NIBAN3: variants seen among roughly 807,000 people sequenced by gnomAD.
The protein encoded by NIBAN3 is protein Niban 3.
In NIBAN3, 66 loss-of-function variants were observed where a neutral mutation model predicts 76.4. That is an observed-to-expected ratio of 0.86 (90% confidence interval 0.71 to 1.06). The LOEUF (loss-of-function observed/expected upper bound fraction) is 1.06, where lower values mean the gene tolerates loss of function less well. Among genes scored for constraint, NIBAN3 ranks in the 50% least tolerant of loss-of-function variants. NIBAN3 has a pLI of 0.00. For synonymous variants in NIBAN3, 360 were observed against 355.2 expected (o/e 1.01, Z -0.15); for missense variants, 808 against 810.7 (o/e 1.00, Z 0.04).
intron 13 of NIBAN3, among the ~76,000 whole-genome samples, chr19:17,549,243 C>T (rs1452155302): frequency 6.6e-6 from 1 of 152,116 alleles, no homozygotes; most frequent in Non-Finnish European, 1.5e-5. Flanking sequence ...GGAGGTGGGA[C>T]TGGCAGTGTC....
Position 17,542,668 on chromosome 19 carries a change from C to T in NIBAN3, c.1329+374C>T, listed in dbSNP as rs140760110. ...TTTTTCAGAAATGGGGAAGATAGGC[C>T]GGCGACATGGACGGGCAGATCGCGC... is the stretch of plus-strand genomic sequence containing the variant. On this transcript the variant is annotated intron_variant, in intron 10 of 14. Coordinates refer to ENST00000599164, the MANE Select transcript of NIBAN3 (RefSeq NM_001321827.2). The surrounding 1 kb of genome is among the most constrained non-coding windows in gnomAD (Gnocchi z 4.8). Among the ~76,000 whole-genome samples the T allele has an allele frequency of 3.1e-3, 479 of 152,200 alleles. 3 individuals are homozygous for T. The highest frequency in any genetic ancestry group is 0.011 in the African/African-American group (452 of 41,518).
intron 4 of NIBAN3, 102 bp downstream of exon 4, chr19:17,533,803 G>A: frequency 1.2e-6 from 1 of 857,862 alleles, no homozygotes; most frequent in Non-Finnish European, 1.9e-6. Context: ...GTGTACAGCA[G>A]GGCAGTAAGC....
At chr19:17,549,024 G>A (rs1370255061) in intron 13 of NIBAN3, among the ~76,000 whole-genome samples, 1 of 152,036 alleles carries the variant, frequency 6.6e-6, no homozygotes, top group East Asian at 1.9e-4. Flanking sequence ...GAATGAGGGA[G>A]AGGATGTGTC....
upstream of NIBAN3, among the ~76,000 whole-genome samples, chr19:17,526,174 G>A (rs1359303680): frequency 6.6e-6 from 1 of 151,970 alleles, no homozygotes; most frequent in African/African-American, 2.4e-5. Context: ...TTAGCCAGGT[G>A]TGGTGGCGGG....
chr19:17,554,125 C>T (rs538571583), downstream of NIBAN3, among the ~76,000 whole-genome samples: 393 of 152,250 alleles, frequency 2.6e-3, 3 homozygotes, highest in African/African-American at 8.6e-3. Flanking sequence ...CCGCCTGCCT[C>T]AGCCTCCCAA....
At position 17,539,762 on chromosome 19, in the gene NIBAN3, A is replaced by G. The variant is rs1474562136; in HGVS notation, c.976A>G (p.Arg326Gly). Residue 326 changes from arginine (R) to glycine (G), a missense_variant, in exon 8 of 15, where the codon AGG (arginine) becomes GGG (glycine). Arg to Gly is a moderately radical substitution (Grantham distance 125). Transcript: ENST00000599164. ...RQRARVAGRL[R>G]TDIRGPLESC... is the part of the protein sequence containing the mutation. ...GCGGGCGCGTGTGGCGGGGCGGCTG[A>G]GGAGTGAGGCCCTGGGGCGGAGCCT... 2 of 1,530,254 alleles carry G rather than the reference A, an allele frequency of 1.3e-6. No homozygotes were observed. Among genetic ancestry groups the G allele is most frequent in the African/African-American group, 2.7e-5 (2 of 72,828 alleles). The allele number at this position is 1,530,254 out of a possible 1,614,324, so 94.8% of individuals were successfully genotyped here. A position where few individuals can be genotyped will look rare whatever the true frequency, so the allele number is the denominator to read the frequency against.
chr19:17,553,849 C>T, downstream of NIBAN3: 1 of 266,256 alleles, frequency 3.8e-6, no homozygotes, highest in Non-Finnish European at 7.1e-6. Flanking sequence ...ATCAAGTCCA[C>T]AGAGTGTAAA....
chr19:17,527,222 C>T (rs902301152), upstream of NIBAN3: 175 of 1,480,170 alleles, frequency 1.2e-4, no homozygotes, highest in Non-Finnish European at 1.4e-4. Context: ...GGGGCAGGGG[C>T]GGGGCCTCTG....
At chr19:17,523,364 G>A (rs993636920), upstream of NIBAN3, 26 of 1,426,534 alleles carry the variant, frequency 1.8e-5, no homozygotes, top group Middle Eastern at 1.8e-4. Flanking sequence ...GAGTGGAGCC[G>A]AAACCACAGA....
At chr19:17,534,444 G>A (rs1174396632) in intron 4 of NIBAN3, among the ~76,000 whole-genome samples, 3 of 151,976 alleles carry the variant, frequency 2.0e-5, no homozygotes, top group Non-Finnish European at 4.4e-5. Flanking sequence ...AGGTCAGGAG[G>A]AGACCTCATG....
At chr19:17,537,292 G>C (rs779321031) in intron 4 of NIBAN3, 84 bp from the exon 5 acceptor site, 89 of 1,346,140 alleles carry the variant, frequency 6.6e-5, no homozygotes, top group Non-Finnish European at 8.8e-5. Context: ...AACTGCCCAT[G>C]CCAGGGACTG....
chr19:17,525,276 A>G (rs1376180857), upstream of NIBAN3, among the ~76,000 whole-genome samples: 1 of 152,170 alleles, frequency 6.6e-6, no homozygotes, highest in Admixed American at 6.6e-5. Context: ...TGATGGCTCC[A>G]TTTGATCACA....
chr19:17,551,643 G>T, intron 14 of NIBAN3, 143 bp from the exon 15 acceptor site: 1 of 482,874 alleles, frequency 2.1e-6, no homozygotes. Flanking sequence ...CCTGATCCTT[G>T]GTCTCCCAGA....
chr19:17,527,725 G>GT (rs1182219267), intron 1 of NIBAN3, among the ~76,000 whole-genome samples: 27 of 151,402 alleles, frequency 1.8e-4, no homozygotes, highest in African/African-American at 6.6e-4. Context: ...TATTTCATTG[G>GT]TTGTTTTTTT....
Position 17,543,602 on chromosome 19 carries a change from C to T in NIBAN3, c.1525C>T (p.Leu509=), listed in dbSNP as rs2144750290. The T allele has an allele frequency of 6.2e-7, 1 of 1,613,874 alleles. No homozygotes were observed. The highest frequency in any genetic ancestry group is 2.2e-5 in the East Asian group (1 of 44,876). The change falls in exon 12 of 15, where the codon CTG becomes TTG. Residue 509 remains leucine (L), a synonymous_variant. Coordinates refer to ENST00000599164, the MANE Select transcript of NIBAN3 (RefSeq NM_001321827.2). ...WGLCIFLPFV[L]SQLEPGCKKE... Reference sequence around the variant, plus strand: ...TCTCTGCATCTTTTTACCTTTTGTGCTGAGCCAACTCGAGCCAGGCTGCAA... The same window carrying T: ...TCTCTGCATCTTTTTACCTTTTGTGTTGAGCCAACTCGAGCCAGGCTGCAA...
chr19:17,527,345 G>C lies in NIBAN3; in HGVS notation c.5G>C (p.Gly2Ala). The change falls in exon 1 of 15, where the codon GGT becomes GCT. Residue 2 changes from glycine (G) to alanine (A), a missense_variant. By Grantham distance (60) the Gly-to-Ala change is moderately conservative (BLOSUM62 0). Coordinates refer to ENST00000599164, the MANE Select transcript of NIBAN3 (RefSeq NM_001321827.2). M[G>A]GRPSSPLDKQ... is the part of the protein sequence containing the mutation. ...GCCCCGGGAGACGACAGCAGCATGG[G>C]TGGGCGGCCTTCGAGCCCTCTGGAC... The C allele has an allele frequency of 2.6e-6, 4 of 1,550,048 alleles. No homozygotes were observed. The highest frequency in any genetic ancestry group is 3.5e-6 in the Non-Finnish European group (4 of 1,146,674).
chr19:17,546,806 C>T lies in NIBAN3; in HGVS notation c.1666+9C>T, dbSNP rs775554439. ...GCAGAGGATTGACCAAGGTGAGTCC[C>T]GCCCTGCCATGGCTCAGAGGAGCCT... is the stretch of plus-strand genomic sequence containing the variant. On this transcript the variant is annotated intron_variant, in intron 13 of 14. Transcript: ENST00000599164. The T allele has an allele frequency of 2.0e-5, 32 of 1,584,312 alleles. No homozygotes were observed. Among genetic ancestry groups the T allele is most frequent in the South Asian group, 1.6e-4 (14 of 86,714 alleles).
rs533016947 is a variant in NIBAN3, at chr19:17,536,491, G to A, written c.428-885G>A. 7.2e-5 allele frequency among the ~76,000 whole-genome samples: 11 copies of A among 152,110 alleles called. No homozygotes were observed. In the South Asian group the frequency reaches 2.1e-3, roughly 29 times the overall value. ...GGCATGACCCACCTCGCCTGGCCTGGATTGTTGGGTTTTATCGCAGTCTGT... is the reference window on the plus strand; with the variant it reads ...GGCATGACCCACCTCGCCTGGCCTGAATTGTTGGGTTTTATCGCAGTCTGT... On this transcript the variant is annotated intron_variant, in intron 4 of 14. Coordinates refer to ENST00000599164, the MANE Select transcript of NIBAN3 (RefSeq NM_001321827.2).
chr19:17,534,095 C>T (rs564520919), intron 4 of NIBAN3, among the ~76,000 whole-genome samples: 17 of 152,032 alleles, frequency 1.1e-4, no homozygotes, highest in African/African-American at 1.9e-4. Flanking sequence ...CCCAGCTACT[C>T]GGGAGGCTGA....
Sources: gnomAD v4.1 joint callset for allele counts (sites outside exome capture counted in the v4.1 genomes callset) on GRCh38, gnomAD v4.1.1 for gene constraint, Gnocchi (gnomAD v3.1) non-coding constraint, MANE v1.5 for transcripts, NCBI Gene and HGNC (gene_info 2026-07-23, HGNC 2026-07-21) for gene names.